Variants in MYO7A observed in about 807,000 individuals in gnomAD.
MYO7A encodes myosin VIIA, also known as unconventional myosin-VIIa.
A neutral mutation model predicts 263.8 loss-of-function variants in MYO7A; 210 were observed. That is an observed-to-expected ratio of 0.80 (90% confidence interval 0.71 to 0.89). MYO7A has a LOEUF of 0.89. Ranked by LOEUF, MYO7A falls within the 40% of genes least tolerant of loss-of-function variation. MYO7A has a pLI of 0.00. For missense variants in MYO7A, 2,820 were observed against 2,968.3 expected, an observed-to-expected ratio of 0.95 and a Z score of 1.16; for synonymous variants, 1,239 against 1,197.3, an observed-to-expected ratio of 1.03 and a Z score of -0.72.
intron 2 of MYO7A, among the ~76,000 whole-genome samples, chr11:77,133,837 T>C (rs781926553): frequency 6.0e-5 from 9 of 151,254 alleles, no homozygotes; most frequent in Non-Finnish European, 1.0e-4. Context: ...TTGTGTTTAA[T>C]TGACATTTTT....
At chr11:77,196,416 G>A (rs1211415423) in intron 32 of MYO7A, among the ~76,000 whole-genome samples, 1 of 151,698 alleles carries the variant, frequency 6.6e-6, no homozygotes, top group Non-Finnish European at 1.5e-5. Context: ...ATTCTGAGTT[G>A]CTGGGGGTGA....
At position 77,156,857 on chromosome 11, in the gene MYO7A, C is replaced by T. The variant is rs762666; in HGVS notation, c.593-5C>T. 17,601 of 1,613,874 alleles carry T rather than the reference C, an allele frequency of 0.011. 1,640 individuals carry two copies. In the African/African-American group the frequency reaches 0.2, roughly 19 times the overall value. ...TTTGCCAGTGACACCCTACTCACTC[C>T]GCAGCATTTGGGAATGCCAAGACCA... On this transcript the variant is annotated splice_polypyrimidine_tract_variant and splice_region_variant and intron_variant, in intron 6 of 48. Coordinates refer to ENST00000409709, the MANE Select transcript of MYO7A (RefSeq NM_000260.4).
intron 47 of MYO7A, 122 bp downstream of exon 47, chr11:77,213,157 A>T: frequency 3.9e-6 from 3 of 764,088 alleles, no homozygotes; most frequent in Non-Finnish European, 6.4e-6. Context: ...TCCACCCATC[A>T]CGTGGCTTCA....
chr11:77,201,023 C>T (rs1466018626), intron 35 of MYO7A, among the ~76,000 whole-genome samples: 2 of 152,186 alleles, frequency 1.3e-5, no homozygotes, highest in Non-Finnish European at 2.9e-5. Flanking sequence ...AGGAGAGGCC[C>T]CATGCCGACT....
intron 12 of MYO7A, 92 bp from the exon 13 acceptor site, chr11:77,162,028 A>G: frequency 1.7e-6 from 2 of 1,145,326 alleles, no homozygotes; most frequent in South Asian, 1.5e-5. Flanking sequence ...ATAGCTTGCT[A>G]ATGGCCATGC....
chr11:77,212,027 C>T (rs1367704610), intron 46 of MYO7A, 90 bp downstream of exon 46: 1 of 1,131,152 alleles, frequency 8.8e-7, no homozygotes, highest in Non-Finnish European at 1.3e-6. Flanking sequence ...GGGAAAGAGC[C>T]ATGGCCTTGG....
At chr11:77,209,905 C>T (rs899477274) in intron 44 of MYO7A, among the ~76,000 whole-genome samples, 1 of 152,000 alleles carries the variant, frequency 6.6e-6, no homozygotes, top group African/African-American at 2.4e-5. Context: ...ACTAACTGCT[C>T]CTGCTGCCTT....
Position 77,161,067 on chromosome 11 carries a change from C to T in MYO7A, c.1295C>T (p.Ser432Phe), listed in dbSNP as rs1555068421. The T allele has an allele frequency of 6.2e-7, 1 of 1,613,982 alleles. No homozygotes were observed. The highest frequency in any genetic ancestry group is 1.3e-5 in the African/African-American group (1 of 75,054). Residue 432 changes from serine (S) to phenylalanine (F), a missense_variant, in exon 12 of 49, where the codon TCC (serine) becomes TTC (phenylalanine). Physicochemically the swap from Ser to Phe is radical, Grantham distance 155. Coordinates refer to ENST00000409709, the MANE Select transcript of MYO7A (RefSeq NM_000260.4). ...PSQDVKNSRR[S>F]IGLLDIFGFE... ...CAGGATGTGAAGAACTCTCGCAGGT[C>T]CATCGGCCTCCTGGACATCTTTGGG...
At chr11:77,168,502 A>G (rs552833937) in intron 15 of MYO7A, among the ~76,000 whole-genome samples, 1 of 152,370 alleles carries the variant, frequency 6.6e-6, no homozygotes, top group Admixed American at 6.5e-5. Context: ...CAGGTGAAGA[A>G]CTGGGGCCCA....
intron 35 of MYO7A, among the ~76,000 whole-genome samples, chr11:77,200,367 A>AAGGGGTGCC (rs1956984301): frequency 6.6e-6 from 1 of 152,124 alleles, no homozygotes; most frequent in Non-Finnish European, 1.5e-5. Flanking sequence ...GCAGAAGGAG[A>AAGGGGTGCC]AGGGGTGCCT....
chr11:77,137,752 C>T (rs928313687), intron 2 of MYO7A, among the ~76,000 whole-genome samples: 1 of 152,136 alleles, frequency 6.6e-6, no homozygotes, highest in Non-Finnish European at 1.5e-5. Context: ...AAGGCCTCTT[C>T]TGCAGGATGG....
At chr11:77,180,349 C>T (rs1555083297) in intron 21 of MYO7A, 25 bp from the exon 22 acceptor site, 2 of 1,596,830 alleles carry the variant, frequency 1.3e-6, no homozygotes, top group South Asian at 2.2e-5. Flanking sequence ...CATTTCCATG[C>T]CCTCTGGATG....
chr11:77,174,121 G>C (rs1954395883), intron 16 of MYO7A, among the ~76,000 whole-genome samples: 1 of 152,038 alleles, frequency 6.6e-6, no homozygotes, highest in Admixed American at 6.6e-5. Flanking sequence ...AGCATCCATG[G>C]ATGAGGCCCT....
chr11:77,213,828 C>T lies in MYO7A; in HGVS notation c.6439-32C>T, dbSNP rs111388587. 2.8e-4 allele frequency: 447 copies of T among 1,613,802 alleles called. 2 individuals are homozygous for T. The highest frequency in any genetic ancestry group is 1.6e-3 in the East Asian group (71 of 44,878). On this transcript the variant is annotated intron_variant, in intron 47 of 48. Transcript: ENST00000409709. ...GCAAGTGAGGCCACAGGGCCCAGGC[C>T]GTGCCTCTCTATGCCCTTTCTGCTC...
At chr11:77,172,354 C>T (rs1404580361) in intron 15 of MYO7A, among the ~76,000 whole-genome samples, 1 of 152,184 alleles carries the variant, frequency 6.6e-6, no homozygotes, top group African/African-American at 2.4e-5. Context: ...GAGATGACCT[C>T]AGTGTCCTGA....
At chr11:77,201,054 G>A (rs556170767) in intron 35 of MYO7A, among the ~76,000 whole-genome samples, 72 of 152,352 alleles carry the variant, frequency 4.7e-4, no homozygotes, top group Admixed American at 1.6e-3. Context: ...GAGGAAGCCC[G>A]TGTGACCAGA....
chr11:77,156,962 G>A lies in MYO7A; in HGVS notation c.693G>A (p.Lys231=). ...FNKRGAIEGA[K]IEQYLLEKSR... ...AGCGGGGCGCCATCGAGGGCGCGAA[G>A]ATTGAGCAGTACCTGCTGGAAAAGT... Residue 231 remains lysine (K), a synonymous_variant, in exon 7 of 49, where the codon AAG becomes AAA. Coordinates refer to ENST00000409709, the MANE Select transcript of MYO7A (RefSeq NM_000260.4). The A allele has an allele frequency of 6.2e-7, 1 of 1,613,950 alleles. No individual in the cohort carries two copies. The highest frequency in any genetic ancestry group is 8.5e-7 in the Non-Finnish European group (1 of 1,179,896).
At chr11:77,201,071 G>C (rs926871879) in intron 35 of MYO7A, among the ~76,000 whole-genome samples, 15 of 152,380 alleles carry the variant, frequency 9.8e-5, no homozygotes, top group South Asian at 6.2e-4. Context: ...CAGAGCACAG[G>C]GGGCAGAGAG....
At chr11:77,183,355 G>C (rs566878120) in intron 26 of MYO7A, among the ~76,000 whole-genome samples, 198 bp downstream of exon 26, 1 of 152,210 alleles carries the variant, frequency 6.6e-6, no homozygotes, top group Non-Finnish European at 1.5e-5. Flanking sequence ...TGTCTGAAGA[G>C]GGTGGGATCT....
Sources: allele counts gnomAD v4.1 joint callset (sites outside exome capture counted in the v4.1 genomes callset), GRCh38; gene constraint gnomAD v4.1.1; transcripts MANE v1.5; gene names NCBI Gene and HGNC (gene_info 2026-07-23, HGNC 2026-07-21).